The following RBMS1 variants were observed in gnomAD, a reference collection of about 807,000 sequenced individuals.
The protein encoded by RBMS1 is RNA binding motif single stranded interacting protein 1.
In RBMS1, 17 loss-of-function variants were observed where a neutral mutation model predicts 62.3. The observed-to-expected ratio is 0.27, with a 90% CI of 0.19 to 0.41. The LOEUF is 0.41. RBMS1 is among the 10% of genes least tolerant of loss of function. The pLI is 1.00. For missense variants in RBMS1, 334 were observed against 504.5 expected (o/e 0.66, Z 3.24); for synonymous variants, 172 against 170.0 (o/e 1.01, Z -0.09).
At chr2:160,296,044 C>T (rs573382590) in intron 6 of RBMS1, among the ~76,000 whole-genome samples, 11 of 152,264 alleles carry the variant, frequency 7.2e-5, no homozygotes, top group East Asian at 1.9e-4. Context: ...AGGCTGACAC[C>T]GTAGGAGCAA....
intron 1 of RBMS1, among the ~76,000 whole-genome samples, chr2:160,367,697 G>T (rs1693486199): frequency 6.6e-6 from 1 of 152,104 alleles, no homozygotes; most frequent in Non-Finnish European, 1.5e-5. Flanking sequence ...CGTGCATGAA[G>T]TTAGATGATA....
chr2:160,341,299 C>G (rs546301040), intron 2 of RBMS1, among the ~76,000 whole-genome samples: 1 of 152,212 alleles, frequency 6.6e-6, no homozygotes, highest in Non-Finnish European at 1.5e-5. Context: ...TTTGGTATTA[C>G]AAATGACATT....
At chr2:160,338,863 A>C (rs893297256) in intron 2 of RBMS1, among the ~76,000 whole-genome samples, 1 of 152,230 alleles carries the variant, frequency 6.6e-6, no homozygotes, top group East Asian at 1.9e-4. Context: ...GAGGAAAGAG[A>C]ATGAAGCAAA....
chr2:160,465,291 A>G (rs961847654), intron 1 of RBMS1, among the ~76,000 whole-genome samples: 3 of 152,214 alleles, frequency 2.0e-5, no homozygotes, highest in Non-Finnish European at 2.9e-5. Flanking sequence ...GGTTCATCCT[A>G]TCTCTAAGGT....
At chr2:160,403,176 T>G (rs1321116654) in intron 1 of RBMS1, among the ~76,000 whole-genome samples, 1 of 152,204 alleles carries the variant, frequency 6.6e-6, no homozygotes. Context: ...TCATGACTCA[T>G]AGATCCTACC....
intron 1 of RBMS1, among the ~76,000 whole-genome samples, chr2:160,434,728 C>G (rs2105291433): frequency 6.6e-6 from 1 of 152,252 alleles, no homozygotes; most frequent in Admixed American, 6.5e-5. Flanking sequence ...TTATAATTAA[C>G]TAAATCCCTG....
chr2:160,341,630 C>T (rs1253838712), intron 2 of RBMS1, among the ~76,000 whole-genome samples: 1 of 152,150 alleles, frequency 6.6e-6, no homozygotes, highest in Non-Finnish European at 1.5e-5. Flanking sequence ...TAGACAGTAT[C>T]TCAAGGACAT....
intron 2 of RBMS1, among the ~76,000 whole-genome samples, chr2:160,339,832 T>C (rs1057186051): frequency 6.6e-6 from 1 of 152,190 alleles, no homozygotes; most frequent in Admixed American, 6.6e-5. Context: ...GTATTTATCT[T>C]TGCATTGATG....
chr2:160,431,004 A>C (rs1476348814), intron 1 of RBMS1, among the ~76,000 whole-genome samples: 2 of 151,184 alleles, frequency 1.3e-5, no homozygotes, highest in African/African-American at 4.9e-5. Flanking sequence ...TGATATGGAC[A>C]TGACGGTCCC....
chr2:160,457,524 TAAATG>T (rs1684291215), intron 1 of RBMS1, among the ~76,000 whole-genome samples: 1 of 152,228 alleles, frequency 6.6e-6, no homozygotes, highest in South Asian at 2.1e-4. Flanking sequence ...TTCACTGCCA[TAAATG>T]GTGTGGGAGA....
At chr2:160,369,088 G>T (rs1282502147) in intron 1 of RBMS1, among the ~76,000 whole-genome samples, 3 of 152,138 alleles carry the variant, frequency 2.0e-5, no homozygotes, top group African/African-American at 7.2e-5. Flanking sequence ...GCAGCAAAGG[G>T]TCAATAATAG....
intron 1 of RBMS1, among the ~76,000 whole-genome samples, chr2:160,404,766 A>C (rs1695609185): frequency 6.6e-6 from 1 of 152,162 alleles, no homozygotes; most frequent in South Asian, 2.1e-4. Context: ...TACCATCTGT[A>C]TCATCCATTT....
chr2:160,463,995 T>A (rs1342527565), intron 1 of RBMS1, among the ~76,000 whole-genome samples: 1 of 152,124 alleles, frequency 6.6e-6, no homozygotes, highest in Non-Finnish European at 1.5e-5. Flanking sequence ...AAAACACACA[T>A]ACACAAAACA....
chr2:160,459,060 T>C (rs1684362182), intron 1 of RBMS1, among the ~76,000 whole-genome samples: 1 of 152,248 alleles, frequency 6.6e-6, no homozygotes, highest in Non-Finnish European at 1.5e-5. Context: ...AAAGACCTAA[T>C]ACCCATCATA....
chr2:160,389,126 C>T (rs1694729107), intron 1 of RBMS1, among the ~76,000 whole-genome samples: 1 of 152,220 alleles, frequency 6.6e-6, no homozygotes, highest in Non-Finnish European at 1.5e-5. Context: ...CACTGTCACA[C>T]ACTGACAATT....
At chr2:160,411,689 A>G (rs1036020128) in intron 1 of RBMS1, among the ~76,000 whole-genome samples, 1 of 152,262 alleles carries the variant, frequency 6.6e-6, no homozygotes, top group African/African-American at 2.4e-5. Flanking sequence ...TCTTAAGTAC[A>G]GTACATGGAC....
intron 4 of RBMS1, among the ~76,000 whole-genome samples, chr2:160,304,003 G>C (rs922408274): frequency 3.9e-5 from 6 of 151,990 alleles, no homozygotes; most frequent in African/African-American, 1.4e-4. Context: ...ATCACCAACA[G>C]TAAAAACAGG....
intron 2 of RBMS1, among the ~76,000 whole-genome samples, chr2:160,319,585 T>A (rs1377063460): frequency 6.6e-6 from 1 of 152,184 alleles, no homozygotes; most frequent in Non-Finnish European, 1.5e-5. Context: ...TGCATCTGAG[T>A]CTCACGTTTC....
At chr2:160,330,350 T>C (rs1691192907) in intron 2 of RBMS1, among the ~76,000 whole-genome samples, 1 of 152,182 alleles carries the variant, frequency 6.6e-6, no homozygotes, top group Admixed American at 6.5e-5. Flanking sequence ...GGCCAGCACT[T>C]GTAAAAGACA....
Sources: allele counts gnomAD v4.1 joint callset (sites outside exome capture counted in the v4.1 genomes callset), GRCh38; gene constraint gnomAD v4.1.1; transcripts MANE v1.5; gene names NCBI Gene and HGNC (gene_info 2026-07-23, HGNC 2026-07-21).